The following PTP4A3 variants were observed in gnomAD, a reference collection of about 807,000 sequenced individuals.
The protein encoded by PTP4A3 is protein tyrosine phosphatase type IVA 3.
Under a neutral mutation model 15.2 loss-of-function variants are expected in PTP4A3, and 9 were observed. That is an observed-to-expected ratio of 0.59 (90% confidence interval 0.36 to 1.03). PTP4A3 has a LOEUF of 1.03. Among genes scored for constraint, PTP4A3 ranks in the 50% least tolerant of loss-of-function variants. The probability of loss-of-function intolerance (pLI) is 0.02; values close to 1 mark genes in which losing one functional copy is unlikely to be tolerated. For synonymous variants in PTP4A3, 95 were observed against 102.0 expected, an observed-to-expected ratio of 0.93 and a Z score of 0.41; for missense variants, 234 against 252.1, an observed-to-expected ratio of 0.93 and a Z score of 0.49.
chr8:141,416,300 A>G (rs1159002680), intron 1 of PTP4A3, among the ~76,000 whole-genome samples: 1 of 152,034 alleles, frequency 6.6e-6, no homozygotes, highest in Non-Finnish European at 1.5e-5. Flanking sequence ...CGGGGGCAGC[A>G]AGACCCAGCT....
chr8:141,426,881 A>G (rs1179960003), intron 3 of PTP4A3, 58 bp from the exon 4 acceptor site: 8 of 1,573,838 alleles, frequency 5.1e-6, no homozygotes, highest in Non-Finnish European at 6.9e-6. Flanking sequence ...CCTGAGCCCC[A>G]GAGCCGCCTC....
In PTP4A3 at chr8:141,425,196, C is replaced by CTGGGGGGTGGGGGGGGG; in HGVS notation, c.198+56_198+57insTGGGGGGTGGGGGGGGG. 2.8e-6 allele frequency: 1 copy of CTGGGGGGTGGGGGGGGG among 361,486 alleles called. No individual in the cohort carries two copies. Among genetic ancestry groups the CTGGGGGGTGGGGGGGGG allele is most frequent in the Non-Finnish European group, 5.4e-6 (1 of 185,990 alleles). 22.4% of individuals were successfully genotyped at this position (361,486 alleles called of 1,614,324 possible). On this transcript the variant is annotated intron_variant, in intron 3 of 5. Coordinates refer to ENST00000521578, the MANE Select transcript of PTP4A3 (RefSeq NM_032611.3). The surrounding 1 kb of genome is among the most constrained non-coding windows in gnomAD (Gnocchi z 4.2). ...CTGCTGCCACCGGGGGAGGGTGGGG[C>CTGGGGGGTGGGGGGGGG]GGGGGGCTCCGGGCCTGCGCAGAGG...
chr8:141,401,469 G>A (rs1018651599), intron 1 of PTP4A3, among the ~76,000 whole-genome samples: 3 of 152,164 alleles, frequency 2.0e-5, no homozygotes, highest in Non-Finnish European at 4.4e-5. Context: ...CGGCCATGTC[G>A]GAGGCTCCGA....
At chr8:141,410,155 T>C (rs928597637) in intron 1 of PTP4A3, among the ~76,000 whole-genome samples, 4 of 151,992 alleles carry the variant, frequency 2.6e-5, no homozygotes, top group African/African-American at 9.7e-5. Flanking sequence ...CTGTCTGAGG[T>C]TCTGTGTCAT....
At chr8:141,428,981 C>G (rs564382817) in intron 5 of PTP4A3, among the ~76,000 whole-genome samples, 2 of 152,258 alleles carry the variant, frequency 1.3e-5, no homozygotes, top group Admixed American at 1.3e-4. Context: ...CACGTCTCAC[C>G]GAGCAAGGGC....
chr8:141,418,241 G>A (rs1833146650), intron 1 of PTP4A3, among the ~76,000 whole-genome samples: 1 of 152,172 alleles, frequency 6.6e-6, no homozygotes, highest in Non-Finnish European at 1.5e-5. Flanking sequence ...CCTGAGACCC[G>A]CTGAGCCCCG....
intron 1 of PTP4A3, among the ~76,000 whole-genome samples, chr8:141,394,142 C>T (rs893075342): frequency 1.3e-5 from 2 of 152,216 alleles, no homozygotes; most frequent in East Asian, 1.9e-4. Flanking sequence ...TAGGGACTTA[C>T]ATCCAGATGG....
intron 1 of PTP4A3, among the ~76,000 whole-genome samples, chr8:141,415,815 G>A (rs1383888639): frequency 6.7e-6 from 1 of 149,934 alleles, no homozygotes; most frequent in Non-Finnish European, 1.5e-5. Context: ...GGATGTGGCA[G>A]TGAGGAGGCT....
intron 1 of PTP4A3, among the ~76,000 whole-genome samples, chr8:141,408,112 C>A (rs1278116500): frequency 1.3e-5 from 2 of 152,092 alleles, no homozygotes; most frequent in Non-Finnish European, 2.9e-5. Flanking sequence ...GAACCAGGCG[C>A]AGAGGGCCAC....
At position 141,425,321 on chromosome 8, in the gene PTP4A3, C is replaced by T. The variant is rs922585758; in HGVS notation, c.198+181C>T. ...AAGGCCAGGGTGTTGGGCCGTGTGA[C>T]CTCAAGAAAGTCACCCTTGCGCACC... On this transcript the variant is annotated intron_variant, in intron 3 of 5. Coordinates refer to ENST00000521578, the MANE Select transcript of PTP4A3 (RefSeq NM_032611.3). The surrounding 1 kb of genome is among the most constrained non-coding windows in gnomAD (Gnocchi z 4.2). Among the ~76,000 whole-genome samples the T allele has an allele frequency of 6.6e-6, 1 of 152,090 alleles. No individual in the cohort carries two copies. Among genetic ancestry groups the T allele is most frequent in the Non-Finnish European group, 1.5e-5 (1 of 67,996 alleles).
At chr8:141,423,816 A>C (rs1204670037) in intron 2 of PTP4A3, among the ~76,000 whole-genome samples, 1 of 151,774 alleles carries the variant, frequency 6.6e-6, no homozygotes, top group East Asian at 1.9e-4. Flanking sequence ...TCCTGTGACC[A>C]GGGTTAACGC....
chr8:141,424,978 T>C lies in PTP4A3; in HGVS notation c.106-70T>C, dbSNP rs547840770. Reference sequence around the variant, plus strand: ...CACAGCTGTGCCCTGGGAGCCCTGGTGAGTGGGTCCTGCCCCCTGAGCCCT... The same window carrying C: ...CACAGCTGTGCCCTGGGAGCCCTGGCGAGTGGGTCCTGCCCCCTGAGCCCT... On this transcript the variant is annotated intron_variant, in intron 2 of 5. Coordinates refer to ENST00000521578, the MANE Select transcript of PTP4A3 (RefSeq NM_032611.3). The C allele has an allele frequency of 1.8e-5, 24 of 1,327,002 alleles. No homozygotes were observed. The African/African-American group carries it at 2.6e-4, about 14-fold the overall frequency. The allele number at this position is 1,327,002 out of a possible 1,614,324, so 82.2% of individuals were successfully genotyped here. A position where few individuals can be genotyped will look rare whatever the true frequency, so the allele number is the denominator to read the frequency against.
chr8:141,417,457 G>A (rs948575080), intron 1 of PTP4A3, among the ~76,000 whole-genome samples: 12 of 152,092 alleles, frequency 7.9e-5, no homozygotes, highest in Admixed American at 7.9e-4. Context: ...CTCCTCCTCA[G>A]GGTGCAGGAC....
intron 5 of PTP4A3, among the ~76,000 whole-genome samples, chr8:141,430,583 G>A (rs757395618): frequency 6.6e-6 from 1 of 152,208 alleles, no homozygotes; most frequent in East Asian, 1.9e-4. Flanking sequence ...CCCCTTCCTG[G>A]ATGGTGGAGG....
intron 5 of PTP4A3, among the ~76,000 whole-genome samples, chr8:141,428,448 G>A (rs561194220): frequency 1.4e-3 from 218 of 152,316 alleles, no homozygotes; most frequent in Non-Finnish European, 2.8e-3. Flanking sequence ...AGGAACGGAT[G>A]CGGCACCTGA....
Position 141,427,968 on chromosome 8 carries a change from C to T in PTP4A3, c.404+144C>T, listed in dbSNP as rs563640852. ...CACAAGCTGGGCCTTGCTGCAGAAA[C>T]GGGGAAGCCTGAGGTGTTTCTGATG... On this transcript the variant is annotated intron_variant, in intron 5 of 5. Transcript: ENST00000521578. The T allele has an allele frequency of 2.4e-3, 1,953 of 827,156 alleles. 4 individuals are homozygous for T. The highest frequency in any genetic ancestry group is 3.4e-3 in the Admixed American group (121 of 35,268). The allele number at this position is 827,156 out of a possible 1,614,324, so 51.2% of individuals were successfully genotyped here.
At chr8:141,405,527 C>T (rs1586541394) in intron 1 of PTP4A3, among the ~76,000 whole-genome samples, 1 of 152,350 alleles carries the variant, frequency 6.6e-6, no homozygotes, top group African/African-American at 2.4e-5. Context: ...TTTCTTCATC[C>T]TCAGCATCCT....
chr8:141,395,810 C>T (rs551561941), intron 1 of PTP4A3, among the ~76,000 whole-genome samples: 5 of 152,150 alleles, frequency 3.3e-5, no homozygotes, highest in South Asian at 2.1e-4. Context: ...GGCATCTTCC[C>T]GGGATGTAGG....
At chr8:141,415,300 C>T (rs1284710425) in intron 1 of PTP4A3, among the ~76,000 whole-genome samples, 1 of 151,974 alleles carries the variant, frequency 6.6e-6, no homozygotes, top group Non-Finnish European at 1.5e-5. Flanking sequence ...CCCTGGACAG[C>T]CCCCAGTCTT....
Sources: gnomAD v4.1 joint callset for allele counts (sites outside exome capture counted in the v4.1 genomes callset) on GRCh38, gnomAD v4.1.1 for gene constraint, Gnocchi (gnomAD v3.1) non-coding constraint, MANE v1.5 for transcripts, NCBI Gene and HGNC (gene_info 2026-07-23, HGNC 2026-07-21) for gene names.